Variants in SYTL5 observed in about 807,000 individuals in gnomAD.
The protein encoded by SYTL5 is synaptotagmin like 5, also known as synaptotagmin-like protein 5.
Under a neutral mutation model 55.9 loss-of-function variants are expected in SYTL5, and 34 were observed. The observed-to-expected ratio is 0.61, with a 90% CI of 0.46 to 0.81. SYTL5 has a LOEUF of 0.81. Ranked by LOEUF, SYTL5 falls within the 30% of genes least tolerant of loss-of-function variation. The pLI is 0.00. For missense variants in SYTL5, 637 were observed against 546.7 expected, an observed-to-expected ratio of 1.17 and a Z score of -1.65; for synonymous variants, 221 against 188.7, an observed-to-expected ratio of 1.17 and a Z score of -1.40.
chrX:37,902,689 C>G, the SYTL5 span, among the ~76,000 whole-genome samples: 1 of 111,278 alleles, frequency 9.0e-6, no homozygotes, highest in Non-Finnish European at 1.9e-5. Context: ...CAAAACAAAA[C>G]AAAGAACAAA....
At chrX:37,906,463 G>A in the SYTL5 span, 1 of 111,569 alleles carries the variant, frequency 9.0e-6, no homozygotes, top group Non-Finnish European at 1.9e-5. Context: ...AATTCTTAGA[G>A]GTGGGGACAG....
the SYTL5 span, among the ~76,000 whole-genome samples, chrX:37,893,703 TCTATAGATAAA>T: frequency 1.2e-5 from 1 of 80,151 alleles, no homozygotes; most frequent in Non-Finnish European, 2.2e-5. Context: ...TTATATATAA[TCTATAGATAAA>T]CTATAGATTA....
the SYTL5 span, among the ~76,000 whole-genome samples, chrX:37,915,865 T>G: frequency 9.0e-6 from 1 of 111,422 alleles, no homozygotes; most frequent in Non-Finnish European, 1.9e-5. Context: ...ACAACAGATG[T>G]GGGAAATAAT....
At chrX:38,119,952 A>T (rs1235725531) in intron 13 of SYTL5, among the ~76,000 whole-genome samples, 1 of 112,456 alleles carries the variant, frequency 8.9e-6, no homozygotes, top group Non-Finnish European at 1.9e-5. Context: ...CTTAAAAGAC[A>T]TCAAAGATGA....
chrX:38,120,804 A>G (rs1414612619), intron 14 of SYTL5, among the ~76,000 whole-genome samples: 4 of 110,721 alleles, frequency 3.6e-5, no homozygotes, highest in Non-Finnish European at 7.6e-5. Context: ...GATTTATGAC[A>G]TTCACAGCTA....
the SYTL5 span, chrX:37,991,311 A>T: frequency 9.3e-7 from 1 of 1,070,931 alleles, no homozygotes; most frequent in East Asian, 3.3e-5. Flanking sequence ...ATGTAAATCC[A>T]TGAGTATGTT....
the SYTL5 span, among the ~76,000 whole-genome samples, chrX:37,911,524 T>C: frequency 9.0e-6 from 1 of 111,608 alleles, no homozygotes; most frequent in Non-Finnish European, 1.9e-5. Flanking sequence ...ACTTCTCATA[T>C]GCGATTTTTA....
the SYTL5 span, among the ~76,000 whole-genome samples, chrX:37,935,345 T>A: frequency 9.0e-6 from 1 of 111,584 alleles, no homozygotes; most frequent in African/African-American, 3.3e-5. Flanking sequence ...ACAGGAAAAA[T>A]TAGAGAGTCT....
the SYTL5 span, among the ~76,000 whole-genome samples, chrX:37,890,989 AG>A: frequency 8.9e-6 from 1 of 111,849 alleles, no homozygotes; most frequent in African/African-American, 3.3e-5. Context: ...TGGGCAACAA[AG>A]CAAGACCTGT....
chrX:37,977,306 A>G, the SYTL5 span, among the ~76,000 whole-genome samples: 9 of 110,295 alleles, frequency 8.2e-5, no homozygotes, highest in Non-Finnish European at 1.5e-4. Flanking sequence ...AAGCCATCCT[A>G]CTCAGTACTA....
intron 1 of SYTL5, among the ~76,000 whole-genome samples, chrX:38,027,905 C>T (rs1335097710): frequency 9.3e-6 from 1 of 108,020 alleles, no homozygotes. Flanking sequence ...CTCACTGCAA[C>T]CTCTGCCTCC....
intron 2 of SYTL5, among the ~76,000 whole-genome samples, chrX:38,035,570 G>A (rs767575277): frequency 3.9e-5 from 4 of 103,849 alleles, no homozygotes; most frequent in South Asian, 4.7e-4. Flanking sequence ...CAGCCTGGGC[G>A]GCAGAGCCAG....
At chrX:37,890,444 T>G in the SYTL5 span, among the ~76,000 whole-genome samples, 1 of 112,015 alleles carries the variant, frequency 8.9e-6, no homozygotes, top group Non-Finnish European at 1.9e-5. Flanking sequence ...AACATTGTAA[T>G]TTTGGATTGG....
At chrX:38,023,733 A>T (rs1934648472) in intron 1 of SYTL5, among the ~76,000 whole-genome samples, 1 of 111,148 alleles carries the variant, frequency 9.0e-6, no homozygotes, top group Non-Finnish European at 1.9e-5. Flanking sequence ...ACAGTTTCTA[A>T]CTTTAGACTA....
intron 2 of SYTL5, among the ~76,000 whole-genome samples, chrX:38,037,948 G>C (rs1462160018): frequency 9.0e-6 from 1 of 111,312 alleles, no homozygotes; most frequent in Non-Finnish European, 1.9e-5. Flanking sequence ...AGAACCGGGA[G>C]AGCTGATGCA....
rs1013651496 is a variant in SYTL5 at position 38,027,030 on chromosome X, C to T, written c.-356-6504C>T. Reference sequence around the variant, plus strand: ...TCTTTTGTAACTTCTTCATGCTGAACAGGGGTGATGATATTCCTGCCTAAC... The same window carrying T: ...TCTTTTGTAACTTCTTCATGCTGAATAGGGGTGATGATATTCCTGCCTAAC... On this transcript the variant is annotated intron_variant, in intron 1 of 16. Transcript: ENST00000297875. 2.7e-5 allele frequency among the ~76,000 whole-genome samples: 3 copies of T among 111,651 alleles called. No homozygotes were observed. In the East Asian group the frequency reaches 8.4e-4, roughly 31 times the overall value.
chrX:38,000,852 C>T, the SYTL5 span, among the ~76,000 whole-genome samples: 6 of 111,618 alleles, frequency 5.4e-5, no homozygotes, highest in African/African-American at 2.0e-4. Flanking sequence ...CCGGGCTCTT[C>T]TCCGACCGCC....
intron 1 of SYTL5, among the ~76,000 whole-genome samples, chrX:38,026,546 T>C (rs1397906693): frequency 2.7e-5 from 3 of 112,104 alleles, no homozygotes; most frequent in African/African-American, 9.7e-5. Context: ...GGCTACTCCA[T>C]AGGCCGAGCA....
rs959662436 is a variant in SYTL5, at chrX:38,128,588, TTTAG to T, written c.*1860_*1863del. On this transcript the variant is annotated 3_prime_UTR_variant, in exon 17 of 17. Coordinates refer to ENST00000297875, the MANE Select transcript of SYTL5 (RefSeq NM_138780.3). ...TTTTGAAAACTGATTTAAGAATATA[TTTAG>T]TATTATTATTAGTAAGGGAATACGC... 8.9e-6 allele frequency: 1 copy of T among 111,944 alleles called. No homozygotes were observed. The highest frequency in any genetic ancestry group is 1.9e-5 in the Non-Finnish European group (1 of 53,234). The allele number at this position is 111,944 out of a possible 1,213,427, so 9.2% of individuals were successfully genotyped here. A position where few individuals can be genotyped will look rare whatever the true frequency, so the allele number is the denominator to read the frequency against.
Sources: allele counts gnomAD v4.1 joint callset (sites outside exome capture counted in the v4.1 genomes callset), GRCh38; gene constraint gnomAD v4.1.1; transcripts MANE v1.5; gene names NCBI Gene and HGNC (gene_info 2026-07-23, HGNC 2026-07-21).